The following PPP2R5C variants were observed in gnomAD, a reference collection of about 807,000 sequenced individuals.
The protein encoded by PPP2R5C is serine/threonine-protein phosphatase 2A 56 kDa regulatory subunit gamma isoform.
Under a neutral mutation model 68.9 loss-of-function variants are expected in PPP2R5C, and 7 were observed. The observed-to-expected ratio is 0.10, with a 90% confidence interval of 0.06 to 0.19. The LOEUF is 0.19. Among genes scored for constraint, PPP2R5C ranks in the 10% least tolerant of loss-of-function variants. The pLI, the probability that PPP2R5C is intolerant of heterozygous loss-of-function variation, is 1.00. For missense variants in PPP2R5C, 348 were observed against 641.3 expected, an observed-to-expected ratio of 0.54 and a Z score of 4.94; for synonymous variants, 210 against 222.2, an observed-to-expected ratio of 0.95 and a Z score of 0.49.
At chr14:101,924,609 A>AT (rs2047199273) in intron 13 of PPP2R5C, among the ~76,000 whole-genome samples, 1 of 151,126 alleles carries the variant, frequency 6.6e-6, no homozygotes, top group Admixed American at 6.6e-5. Flanking sequence ...CACCCATCTG[A>AT]TTTTTGTATT....
At chr14:101,769,538 T>C (rs539930538) in intron 2 of PPP2R5C, among the ~76,000 whole-genome samples, 2 of 152,226 alleles carry the variant, frequency 1.3e-5, no homozygotes, top group Admixed American at 6.5e-5. Context: ...TTTATCACTT[T>C]TTTGATCCAA....
chr14:101,906,687 T>C lies in PPP2R5C; in HGVS notation c.1151+158T>C, dbSNP rs2046042977. The C allele has an allele frequency of 8.8e-6, 9 of 1,019,294 alleles. No homozygotes were observed. The Admixed American group carries it at 2.7e-4, about 31-fold the overall frequency. 63.1% of individuals were successfully genotyped at this position (1,019,294 alleles called of 1,614,324 possible). On this transcript the variant is annotated intron_variant, in intron 10 of 13. Coordinates refer to ENST00000334743, the Ensembl canonical transcript of PPP2R5C. This position sits in a 1 kb window ranked among gnomAD's most constrained non-coding sequence, Gnocchi z 4.0. Reference sequence around the variant, plus strand: ...TCATAAATTAAGTAGCAGCGTGGGTTGTTTCTGTGGCCGTTGAATTTACCA... The same window carrying C: ...TCATAAATTAAGTAGCAGCGTGGGTCGTTTCTGTGGCCGTTGAATTTACCA...
intron 1 of PPP2R5C, among the ~76,000 whole-genome samples, chr14:101,846,178 G>A (rs1240126322): frequency 6.6e-6 from 1 of 152,180 alleles, no homozygotes; most frequent in Admixed American, 6.5e-5. Flanking sequence ...CCTTCACATT[G>A]GGTGGTACAG....
upstream of PPP2R5C, among the ~76,000 whole-genome samples, chr14:101,808,687 A>G (rs1227059062): frequency 6.6e-6 from 1 of 152,176 alleles, no homozygotes. Context: ...GGGCTTTTGT[A>G]TCCTTCACAA....
chr14:101,769,407 G>A (rs140760673), intron 2 of PPP2R5C, among the ~76,000 whole-genome samples: 15 of 152,316 alleles, frequency 9.8e-5, no homozygotes, highest in Non-Finnish European at 1.9e-4. Context: ...GAGTCAAGAA[G>A]TATTGAGTTG....
intron 2 of PPP2R5C, among the ~76,000 whole-genome samples, chr14:101,785,150 G>A (rs921615455): frequency 3.3e-5 from 5 of 152,150 alleles, no homozygotes; most frequent in East Asian, 1.9e-4. Context: ...CAGCTCCAGC[G>A]GAGCGTTTCC....
At chr14:101,920,748 A>G (rs1367916030) in intron 13 of PPP2R5C, among the ~76,000 whole-genome samples, 2 of 152,190 alleles carry the variant, frequency 1.3e-5, no homozygotes, top group African/African-American at 4.8e-5. Flanking sequence ...AATACTATGC[A>G]ATTCCAAGAC....
intron 7 of PPP2R5C, among the ~76,000 whole-genome samples, chr14:101,893,539 G>T (rs2045102746): frequency 6.6e-6 from 1 of 152,202 alleles, no homozygotes; most frequent in South Asian, 2.1e-4. Flanking sequence ...ATCACCTGAG[G>T]TTGGGAGTTC....
chr14:101,856,712 C>T (rs769163534), exon 2 of PPP2R5C: 3 of 1,614,006 alleles, frequency 1.9e-6, no homozygotes, highest in Non-Finnish European at 2.5e-6. Context: ...TCAAGAGAAG[C>T]TTTTTATCCA....
intron 2 of PPP2R5C, among the ~76,000 whole-genome samples, chr14:101,772,438 C>T (rs1328671021): frequency 1.3e-5 from 2 of 152,018 alleles, no homozygotes; most frequent in East Asian, 1.9e-4. Flanking sequence ...TCTTTATAGA[C>T]ATTTTCTCTT....
intron 2 of PPP2R5C, among the ~76,000 whole-genome samples, chr14:101,873,123 G>A (rs2140802769): frequency 1.3e-5 from 2 of 152,114 alleles, no homozygotes; most frequent in Middle Eastern, 6.8e-3. Flanking sequence ...ATCTCTAGTG[G>A]TTTGATTTGT....
rs556411285 is a variant in PPP2R5C at position 101,845,445 on chromosome 14, G to A, written c.95-11241G>A. Among the ~76,000 whole-genome samples, 80 of 151,398 alleles carry A rather than the reference G, an allele frequency of 5.3e-4. 1 individual carries two copies. The highest frequency in any genetic ancestry group is 1.9e-3 in the African/African-American group (79 of 40,958). ...TTCAGCCTGACTTCTCTCCATCCGG[G>A]GCGCCTCTCCACTCCACTCCACCCC... On this transcript the variant is annotated intron_variant, in intron 1 of 13. Coordinates refer to ENST00000334743, the Ensembl canonical transcript of PPP2R5C.
intron 11 of PPP2R5C, among the ~76,000 whole-genome samples, chr14:101,912,059 C>T (rs1177834070): frequency 6.6e-6 from 1 of 152,044 alleles, no homozygotes; most frequent in Non-Finnish European, 1.5e-5. Flanking sequence ...ACTGCATACT[C>T]GTTTTTTCAG....
chr14:101,904,542 C>T (rs952864653), intron 9 of PPP2R5C, among the ~76,000 whole-genome samples: 4 of 152,212 alleles, frequency 2.6e-5, no homozygotes, highest in South Asian at 2.1e-4. Flanking sequence ...TTTGAATCCA[C>T]GCCGCACTCT....
exon 14 of PPP2R5C, chr14:101,925,306 A>T: frequency 6.2e-7 from 1 of 1,607,578 alleles, no homozygotes; most frequent in Non-Finnish European, 8.5e-7. Context: ...CGGGCCCGCC[A>T]GTTCTTTTCC....
intron 8 of PPP2R5C, among the ~76,000 whole-genome samples, chr14:101,898,227 T>C (rs2045476131): frequency 6.6e-6 from 1 of 152,184 alleles, no homozygotes. Context: ...TGAAAGTATG[T>C]ATTTTTCTTT....
chr14:101,761,777 C>T (rs1595092056), upstream of PPP2R5C: 2 of 963,062 alleles, frequency 2.1e-6, no homozygotes, highest in East Asian at 1.4e-4. Context: ...AAGACTCAGT[C>T]CCCGGGCGGC....
intron 1 of PPP2R5C, among the ~76,000 whole-genome samples, chr14:101,821,483 G>GTT (rs1456829369): frequency 1.3e-5 from 2 of 151,350 alleles, no homozygotes; most frequent in Admixed American, 6.6e-5. Flanking sequence ...GTGTGTGTGT[G>GTT]TATTTATCCA....
At chr14:101,897,370 G>T (rs1353951108) in intron 8 of PPP2R5C, among the ~76,000 whole-genome samples, 2 of 150,604 alleles carry the variant, frequency 1.3e-5, no homozygotes, top group East Asian at 3.9e-4. Context: ...CTATATCTGA[G>T]GTATTCTCCA....
Sources: allele counts gnomAD v4.1 joint callset (sites outside exome capture counted in the v4.1 genomes callset), GRCh38; gene constraint gnomAD v4.1.1; non-coding constraint Gnocchi (gnomAD v3.1); transcripts MANE v1.5; gene names NCBI Gene and HGNC (gene_info 2026-07-23, HGNC 2026-07-21).